The following PHC2 variants were observed in gnomAD, a reference collection of about 807,000 sequenced individuals.
The protein encoded by PHC2 is polyhomeotic-like protein 2.
Under a neutral mutation model 87.4 loss-of-function variants are expected in PHC2, and 29 were observed. That is an observed-to-expected ratio of 0.33 (90% confidence interval 0.25 to 0.45). PHC2 has a LOEUF of 0.45. PHC2 is among the 20% of genes least tolerant of loss of function. The pLI, the probability that PHC2 is intolerant of heterozygous loss-of-function variation, is 1.00. For missense variants in PHC2, 857 were observed against 1,136.7 expected (o/e 0.75, Z 3.54); for synonymous variants, 438 against 461.7 (o/e 0.95, Z 0.66).
Position 33,375,408 on chromosome 1 carries a change from C to G in PHC2, c.132G>C (p.Gln44His). ...SGGSGRPTGP[Q>H]ISVYSGIPDR... is the part of the protein sequence containing the mutation. Reference sequence around the variant, plus strand: ...CTGGAATACCACTGTACACAGAAATCTGGGGCCCGGTGGGGCGGCCACTTC... The same window carrying G: ...CTGGAATACCACTGTACACAGAAATGTGGGGCCCGGTGGGGCGGCCACTTC... Residue 44 changes from glutamine (Q) to histidine (H), a missense_variant, in exon 2 of 15, where the codon CAG (glutamine) becomes CAC (histidine). Gln to His is a conservative substitution (Grantham distance 24). Around this residue, in one of 3 missense-constraint regions of PHC2, gnomAD observed 832 missense variants for 1,081.8 expected, o/e 0.77. Transcript: ENST00000683057. 1.2e-6 allele frequency: 2 copies of G among 1,610,560 alleles called. No individual in the cohort carries two copies. The highest frequency in any genetic ancestry group is 2.2e-5 in the South Asian group (2 of 90,534).
In PHC2 at chr1:33,349,609, C is replaced by T. The variant is rs1023309343; in HGVS notation, c.1558+4792G>A. The T allele has an allele frequency of 4.9e-5, 48 of 983,836 alleles. No homozygotes were observed. The East Asian group carries it at 3.1e-3, about 64-fold the overall frequency. 60.9% of individuals were successfully genotyped at this position (983,836 alleles called of 1,614,324 possible). ...CCCCGGCACTGACCTGTCCAGGGCCCGGCTGGGCCTGGCCGGGCGGGGCCT... is the reference window on the plus strand; with the variant it reads ...CCCCGGCACTGACCTGTCCAGGGCCTGGCTGGGCCTGGCCGGGCGGGGCCT... On this transcript the variant is annotated intron_variant, in intron 9 of 14. Transcript: ENST00000683057. This position sits in a 1 kb window ranked among gnomAD's most constrained non-coding sequence, Gnocchi z 4.2.
intron 1 of PHC2, among the ~76,000 whole-genome samples, chr1:33,419,551 C>A (rs1650345626): frequency 6.6e-6 from 1 of 152,162 alleles, no homozygotes; most frequent in Admixed American, 6.5e-5. Flanking sequence ...TAGGGCCCAC[C>A]CAGATATAAC....
intron 9 of PHC2, chr1:33,353,246 G>A (rs1570474956): frequency 6.6e-6 from 1 of 152,220 alleles, no homozygotes; most frequent in East Asian, 1.9e-4. Context: ...TTTAATGGGG[G>A]GAGAGGCAAG....
chr1:33,368,514 C>T lies in PHC2; in HGVS notation c.663+22G>A. On this transcript the variant is annotated intron_variant, in intron 6 of 14. Transcript: ENST00000683057. This position sits in a 1 kb window ranked among gnomAD's most constrained non-coding sequence, Gnocchi z 6.6. ...ACAGGGGTGCCCACCCCCCTGCCCT[C>T]CCACAAGCATGGAGTCCTCACCTGG... The T allele has an allele frequency of 7.3e-7, 1 of 1,368,402 alleles. No homozygotes were observed. The highest frequency in any genetic ancestry group is 1.0e-6 in the Non-Finnish European group (1 of 996,520). The allele number at this position is 1,368,402 out of a possible 1,614,324, so 84.8% of individuals were successfully genotyped here.
chr1:33,419,939 T>C (rs901521567), intron 1 of PHC2, among the ~76,000 whole-genome samples: 4 of 151,954 alleles, frequency 2.6e-5, no homozygotes, highest in African/African-American at 7.3e-5. Context: ...CTTGTGATTG[T>C]ATTTAGCGCC....
At position 33,349,397 on chromosome 1, in the gene PHC2, C is replaced by A. The variant is rs1250626445; in HGVS notation, c.1558+5004G>T. ...ACGGCTTCCAGGGGCGACGGGCGCG[C>A]AGGGTCCCCAGGCGAGCGAGGCTGG... is the stretch of plus-strand genomic sequence containing the variant. On this transcript the variant is annotated intron_variant, in intron 9 of 14. Transcript: ENST00000683057. The surrounding 1 kb of genome is among the most constrained non-coding windows in gnomAD (Gnocchi z 4.2). 126 of 985,108 alleles carry A rather than the reference C, an allele frequency of 1.3e-4. No homozygotes were observed. Among genetic ancestry groups the A allele is most frequent in the Non-Finnish European group, 1.5e-4 (125 of 829,870 alleles). The allele number at this position is 985,108 out of a possible 1,614,324, so 61.0% of individuals were successfully genotyped here.
intron 1 of PHC2, among the ~76,000 whole-genome samples, chr1:33,377,054 C>T (rs1452295385): frequency 6.6e-6 from 1 of 152,170 alleles, no homozygotes; most frequent in African/African-American, 2.4e-5. Context: ...AGCAGGGTAC[C>T]ATACTGACCA....
chr1:33,339,111 T>C (rs1467004891), intron 9 of PHC2, among the ~76,000 whole-genome samples: 1 of 152,188 alleles, frequency 6.6e-6, no homozygotes, highest in African/African-American at 2.4e-5. Flanking sequence ...AATTATCTGC[T>C]TTGGGACTGG....
chr1:33,331,570 C>G lies in PHC2; in HGVS notation c.1892-108G>C. On this transcript the variant is annotated intron_variant, in intron 11 of 14. Transcript: ENST00000683057. The surrounding 1 kb of genome is among the most constrained non-coding windows in gnomAD (Gnocchi z 5.2). ...TCCATCCTGCCTGGTCCTCCTGCTC[C>G]CACAGCTGTGACATACAGCAGCATT... 1.5e-6 allele frequency: 1 copy of G among 675,970 alleles called. No homozygotes were observed. The highest frequency in any genetic ancestry group is 2.5e-5 in the East Asian group (1 of 39,476). 41.9% of individuals were successfully genotyped at this position (675,970 alleles called of 1,614,324 possible). A position where few individuals can be genotyped will look rare whatever the true frequency, so the allele number is the denominator to read the frequency against.
intron 9 of PHC2, among the ~76,000 whole-genome samples, chr1:33,344,011 G>A (rs1646797774): frequency 1.3e-5 from 2 of 152,136 alleles, no homozygotes; most frequent in South Asian, 2.1e-4. Context: ...TTCATAAAGG[G>A]GGGTTTTAAG....
At chr1:33,353,401 C>A (rs1647009908) in intron 9 of PHC2, 1 of 152,178 alleles carries the variant, frequency 6.6e-6, no homozygotes, top group South Asian at 2.1e-4. Flanking sequence ...TAGAGCAAAT[C>A]TACAGTGGAA....
intron 1 of PHC2, among the ~76,000 whole-genome samples, chr1:33,409,759 T>C (rs551896204): frequency 6.6e-6 from 1 of 152,274 alleles, no homozygotes; most frequent in Non-Finnish European, 1.5e-5. Context: ...CATCCATCAT[T>C]GGATAGGTGT....
chr1:33,371,150 G>GTGGATGATGAGAGCCCAGGAGT, intron 3 of PHC2, 56 bp from the exon 4 acceptor site: 1 of 1,427,308 alleles, frequency 7.0e-7, no homozygotes, highest in Non-Finnish European at 9.9e-7. Context: ...AGTCACTCCT[G>GTGGATGATGAGAGCCCAGGAGT]GGCTCTCATC....
chr1:33,402,787 A>T (rs187057439), intron 1 of PHC2, among the ~76,000 whole-genome samples: 9 of 152,278 alleles, frequency 5.9e-5, no homozygotes, highest in Admixed American at 3.9e-4. Context: ...ATTGTTTAGG[A>T]AGTCACTCAT....
At chr1:33,354,764 T>C in intron 8 of PHC2, 74 bp downstream of exon 8, 1 of 1,515,482 alleles carries the variant, frequency 6.6e-7, no homozygotes, top group Non-Finnish European at 9.0e-7. Flanking sequence ...GAAGCACCTC[T>C]TGACGGGGCT....
Position 33,364,422 on chromosome 1 carries a change from A to ACACACACACACACG in PHC2, c.976+2693_976+2694insCGTGTGTGTGTGTG, listed in dbSNP as rs1276306678. 1.3e-4 allele frequency among the ~76,000 whole-genome samples: 20 copies of ACACACACACACACG among 149,746 alleles called. No homozygotes were observed. Among genetic ancestry groups the ACACACACACACACG allele is most frequent in the Admixed American group, 4.7e-4 (7 of 15,050 alleles). On this transcript the variant is annotated intron_variant, in intron 7 of 14. Coordinates refer to ENST00000683057, the MANE Select transcript of PHC2 (RefSeq NM_001385109.1). This position sits in a 1 kb window ranked among gnomAD's most constrained non-coding sequence, Gnocchi z 4.1. ...CACACACACACACACACACACACACACACGCTCAAGCACGCTCTTCTCTCC... is the reference window on the plus strand; with the variant it reads ...CACACACACACACACACACACACACACACACACACACACGCACGCTCAAGCACGCTCTTCTCTCC...
rs1441111565 is a variant in PHC2 at position 33,364,790 on chromosome 1, G to A, written c.976+2326C>T. Among the ~76,000 whole-genome samples the A allele has an allele frequency of 3.9e-5, 6 of 152,174 alleles. No individual in the cohort carries two copies. On this transcript the variant is annotated intron_variant, in intron 7 of 14. Transcript: ENST00000683057. The surrounding 1 kb of genome is among the most constrained non-coding windows in gnomAD (Gnocchi z 4.1). ...TCTCTGGGGAGAGGTTCTTTGTGGA[G>A]CTGCAGCTCACAGCTGCTCCATAGA...
chr1:33,349,089 T>C lies in PHC2; in HGVS notation c.1558+5312A>G, dbSNP rs1646902971. ...ATAGGAAGGAGAGAAAACGCTCTTC[T>C]AAAAATGGAAGAAAAGACACAGAAC... On this transcript the variant is annotated intron_variant, in intron 9 of 14. Coordinates refer to ENST00000683057, the MANE Select transcript of PHC2 (RefSeq NM_001385109.1). This position sits in a 1 kb window ranked among gnomAD's most constrained non-coding sequence, Gnocchi z 4.2. 3 of 985,364 alleles carry C rather than the reference T, an allele frequency of 3.0e-6. No individual in the cohort carries two copies. The highest frequency in any genetic ancestry group is 3.6e-6 in the Non-Finnish European group (3 of 829,866). 61.0% of individuals were successfully genotyped at this position (985,364 alleles called of 1,614,324 possible).
chr1:33,388,409 C>T (rs1038430762), intron 1 of PHC2, among the ~76,000 whole-genome samples: 7 of 151,612 alleles, frequency 4.6e-5, no homozygotes, highest in Admixed American at 1.3e-4. Flanking sequence ...CCGCAACCTC[C>T]GCCTCCCAGG....
Sources: allele counts gnomAD v4.1 joint callset (sites outside exome capture counted in the v4.1 genomes callset), GRCh38; gene constraint gnomAD v4.1.1; regional missense constraint gnomAD v4.1.1; non-coding constraint Gnocchi (gnomAD v3.1); transcripts MANE v1.5; gene names NCBI Gene and HGNC (gene_info 2026-07-23, HGNC 2026-07-21).